Variants in ADAMTS7 observed in about 807,000 individuals in gnomAD.
ADAMTS7 encodes the protein A disintegrin and metalloproteinase with thrombospondin motifs 7.
In ADAMTS7, 89 loss-of-function variants were observed where a neutral mutation model predicts 172.6. That is an observed-to-expected ratio of 0.52 (90% confidence interval 0.43 to 0.61). The LOEUF is 0.61. Ranked by LOEUF, ADAMTS7 falls within the 20% of genes least tolerant of loss-of-function variation. The pLI is 0.00. For missense variants in ADAMTS7, 1,973 were observed against 2,355.6 expected, an observed-to-expected ratio of 0.84 and a Z score of 3.36; for synonymous variants, 885 against 978.4, an observed-to-expected ratio of 0.90 and a Z score of 1.78.
intron 3 of ADAMTS7, 32 bp downstream of exon 3, chr15:78,797,916 C>A (rs1274849375): frequency 1.9e-6 from 3 of 1,584,536 alleles, no homozygotes; most frequent in African/African-American, 2.7e-5. Flanking sequence ...AGGCCCAGCA[C>A]CCACCCGAGA....
intron 16 of ADAMTS7, chr15:78,770,936 G>A: frequency 1.7e-6 from 1 of 600,994 alleles, no homozygotes; most frequent in Admixed American, 3.0e-5. Flanking sequence ...GGAGCACACT[G>A]AACATGCGCC....
intron 4 of ADAMTS7, among the ~76,000 whole-genome samples, chr15:78,793,520 G>A (rs1596195830): frequency 1.3e-5 from 2 of 152,136 alleles, no homozygotes; most frequent in South Asian, 4.2e-4. Flanking sequence ...GCACCACCAT[G>A]CCTGGCCCGT....
intron 13 of ADAMTS7, among the ~76,000 whole-genome samples, chr15:78,773,450 A>G (rs2055287456): frequency 6.6e-6 from 1 of 151,818 alleles, no homozygotes; most frequent in Non-Finnish European, 1.5e-5. Context: ...TGAGCATCAC[A>G]TGAGACAAGA....
intron 8 of ADAMTS7, among the ~76,000 whole-genome samples, chr15:78,784,717 A>G (rs1441375482): frequency 6.6e-6 from 1 of 152,124 alleles, no homozygotes; most frequent in Non-Finnish European, 1.5e-5. Context: ...AAGCTTCCAG[A>G]TTTTTTAAAA....
chr15:78,811,371 G>T lies in ADAMTS7; in HGVS notation c.-151C>A. The T allele has an allele frequency of 1.0e-6, 1 of 979,374 alleles. No individual in the cohort carries two copies. The highest frequency in any genetic ancestry group is 1.3e-6 in the Non-Finnish European group (1 of 763,104). The allele number at this position is 979,374 out of a possible 1,614,324, so 60.7% of individuals were successfully genotyped here. ...CCCCGACTCCGTTCGGCTGCGCTCG[G>T]TCCGCGGGCAACAAAGGCTGCAGGG... On this transcript the variant is annotated 5_prime_UTR_variant, in exon 1 of 24. Coordinates refer to ENST00000388820, the MANE Select transcript of ADAMTS7 (RefSeq NM_014272.5).
chr15:78,775,585 G>T (rs1182927324), intron 11 of ADAMTS7, among the ~76,000 whole-genome samples: 1 of 152,072 alleles, frequency 6.6e-6, no homozygotes, highest in Non-Finnish European at 1.5e-5. Flanking sequence ...GGAAACAGAG[G>T]CCCAGAGAGG....
At chr15:78,794,963 C>T (rs1335308180) in intron 4 of ADAMTS7, among the ~76,000 whole-genome samples, 1 of 152,186 alleles carries the variant, frequency 6.6e-6, no homozygotes, top group Non-Finnish European at 1.5e-5. Flanking sequence ...GTGATCTGCC[C>T]ACCTTGGCCT....
rs1318537417 is a variant in ADAMTS7, at chr15:78,806,091, A to ACACACAC, written c.100+5029_100+5030insGTGTGTG. ...CGAGACTCTGACTCCCCCCCCCAAA[A>ACACACAC]ACACACACACACACACACACACACA... is the stretch of plus-strand genomic sequence containing the variant. On this transcript the variant is annotated intron_variant, in intron 1 of 23. Transcript: ENST00000388820. 4.7e-3 allele frequency among the ~76,000 whole-genome samples: 129 copies of ACACACAC among 27,426 alleles called. 3 individuals are homozygous for ACACACAC. Among genetic ancestry groups the ACACACAC allele is most frequent in the African/African-American group, 0.011 (76 of 6,728 alleles). The allele number at this position is 27,426 out of a possible 152,430, so 18.0% of individuals were successfully genotyped here. A position where few individuals can be genotyped will look rare whatever the true frequency, so the allele number is the denominator to read the frequency against.
At chr15:78,770,055 C>T (rs1163684937) in intron 16 of ADAMTS7, among the ~76,000 whole-genome samples, 2 of 151,984 alleles carry the variant, frequency 1.3e-5, no homozygotes, top group African/African-American at 4.8e-5. Context: ...CCCAGCTACT[C>T]GGGAGGCTGA....
chr15:78,784,408 GGGGAGGGAGGGA>G (rs145739330), intron 8 of ADAMTS7, among the ~76,000 whole-genome samples: 2 of 99,614 alleles, frequency 2.0e-5, no homozygotes, highest in African/African-American at 3.7e-5. Context: ...GAGGAAGAGG[GGGGAGGGAGGGA>G]GGGAGGGAGG....
rs66848150 is a variant in ADAMTS7, at chr15:78,787,359, AC to A, written c.1322+871del. 3.0e-3 allele frequency among the ~76,000 whole-genome samples: 440 copies of A among 149,028 alleles called. 11 individuals are homozygous for A. Among genetic ancestry groups the A allele is most frequent in the African/African-American group, 9.1e-3 (368 of 40,520 alleles). On this transcript the variant is annotated intron_variant, in intron 8 of 23. Transcript: ENST00000388820. The stretch of plus-strand genomic sequence containing the variant: ...AAATAGCAAATTTGAAAAAAAAAAA[AC>A]AAAAAAACACCAGAACAGGCCGGGC...
Position 78,800,453 on chromosome 15 carries a change from G to A in ADAMTS7, c.195C>T (p.Arg65=). The change falls in exon 2 of 24, where the codon CGC becomes CGT. Residue 65 remains arginine, a synonymous_variant. Transcript: ENST00000388820. ...GSFLSYELWP[R]ALRKRDVSVR... is the part of the protein sequence containing the mutation. ...CAGATACATCCCGCTTGCGCAGTGC[G>A]CGGGGCCACAGCTCGTAGGACAGGA... is the stretch of plus-strand genomic sequence containing the variant. 2 of 1,610,968 alleles carry A rather than the reference G, an allele frequency of 1.2e-6. No homozygotes were observed. The highest frequency in any genetic ancestry group is 1.3e-5 in the African/African-American group (1 of 75,044).
intron 1 of ADAMTS7, 151 bp downstream of exon 1, chr15:78,810,970 T>C: frequency 1.2e-6 from 1 of 853,668 alleles, no homozygotes; most frequent in Non-Finnish European, 1.5e-6. Flanking sequence ...CCGACTACTG[T>C]CCCCTAATAC....
intron 4 of ADAMTS7, among the ~76,000 whole-genome samples, chr15:78,793,187 C>T (rs1418831599): frequency 6.6e-6 from 1 of 152,094 alleles, no homozygotes; most frequent in Non-Finnish European, 1.5e-5. Flanking sequence ...AAGTGAAGCT[C>T]AAAGAGAGGG....
chr15:78,796,635 GT>G lies in ADAMTS7; in HGVS notation c.773del (p.His258ProfsTer11), dbSNP rs1410684004. 1.2e-6 allele frequency: 2 copies of G among 1,613,842 alleles called. No homozygotes were observed. The highest frequency in any genetic ancestry group is 2.7e-5 in the African/African-American group (2 of 74,840). ...VVADAKMVEY[H>X]GQPQVESYVL... ...CATAGCTCTCAACCTGCGGCTGTCC[GT>G]GGTACTCCACCATTTTGGCATCAGC... is the stretch of plus-strand genomic sequence containing the variant. On this transcript the variant is annotated frameshift_variant, in exon 4 of 24. Transcript: ENST00000388820. LOFTEE classifies it high-confidence loss of function.
chr15:78,806,123 CACACAAAAAAA>C (rs2055789832), intron 1 of ADAMTS7, among the ~76,000 whole-genome samples: 75 of 20,066 alleles, frequency 3.7e-3, no homozygotes, highest in Admixed American at 0.01. Context: ...CACACACACA[CACACAAAAAAA>C]AAAAAAAAAA....
In ADAMTS7 at chr15:78,789,727, C is replaced by T. The variant is rs764746143; in HGVS notation, c.1140G>A (p.Leu380=). 6 of 1,613,162 alleles carry T rather than the reference C, an allele frequency of 3.7e-6. No individual in the cohort carries two copies. In the East Asian group the frequency reaches 8.9e-5, roughly 24 times the overall value. ...RSCSINEDTG[L]PLAFTVAHEL... is the part of the protein sequence containing the mutation. ...CGTGGGCTACAGTGAAGGCCAGCGGCAGGCCCGTGTCCTCGTTGATGCTGC... is the reference window on the plus strand; with the variant it reads ...CGTGGGCTACAGTGAAGGCCAGCGGTAGGCCCGTGTCCTCGTTGATGCTGC... Residue 380 remains leucine, a synonymous_variant, in exon 7 of 24, where the codon CTG becomes CTA. Coordinates refer to ENST00000388820, the MANE Select transcript of ADAMTS7 (RefSeq NM_014272.5).
chr15:78,762,102 C>T, intron 23 of ADAMTS7: 32 of 983,374 alleles, frequency 3.3e-5, no homozygotes, highest in Non-Finnish European at 3.7e-5. Context: ...GGAGAAAGAG[C>T]TTACCCAGGT....
At chr15:78,763,561 C>T (rs768440528) in intron 22 of ADAMTS7, 138 bp downstream of exon 22, 166 of 1,199,602 alleles carry the variant, frequency 1.4e-4, no homozygotes, top group African/African-American at 3.3e-4. Context: ...GAGCACCAGC[C>T]GGGCGGGGCC....
Sources: gnomAD v4.1 joint callset for allele counts (sites outside exome capture counted in the v4.1 genomes callset) on GRCh38, gnomAD v4.1.1 for gene constraint, MANE v1.5 for transcripts, NCBI Gene and HGNC (gene_info 2026-07-23, HGNC 2026-07-21) for gene names.